The following ADAM29 variants were observed in gnomAD, a reference collection of about 807,000 sequenced individuals.
ADAM29 encodes the protein disintegrin and metalloproteinase domain-containing protein 29.
For missense variants in ADAM29, 969 were observed against 1,001.8 expected, an observed-to-expected ratio of 0.97 and a Z score of 0.44; for synonymous variants, 367 against 342.3, an observed-to-expected ratio of 1.07 and a Z score of -0.80.
At chr4:174,949,441 T>C (rs956620393) in intron 4 of ADAM29, among the ~76,000 whole-genome samples, 1 of 152,144 alleles carries the variant, frequency 6.6e-6, no homozygotes, top group African/African-American at 2.4e-5. Context: ...CAGGAGGTCT[T>C]CTTCTGCTAG....
Position 174,942,174 on chromosome 4 carries a change from C to G in ADAM29, c.-181+5161C>G, listed in dbSNP as rs1190853804. ...CCCCATGACGGCTTTCATGAGCTGG[C>G]ATTGAGTGCTGCAGCTTTTCCAAGC... On this transcript the variant is annotated intron_variant, in intron 4 of 4. Transcript: ENST00000359240. Among the ~76,000 whole-genome samples the G allele has an allele frequency of 3.3e-5, 5 of 152,316 alleles. No homozygotes were observed. In the East Asian group the frequency reaches 9.7e-4, roughly 30 times the overall value.
intron 4 of ADAM29, among the ~76,000 whole-genome samples, chr4:174,952,777 G>C (rs187182676): frequency 6.6e-6 from 1 of 152,246 alleles, no homozygotes; most frequent in East Asian, 1.9e-4. Context: ...TGCAAAGACT[G>C]TCTGCAGATG....
intron 4 of ADAM29, among the ~76,000 whole-genome samples, chr4:174,957,846 G>A (rs922589347): frequency 5.9e-5 from 9 of 151,694 alleles, no homozygotes; most frequent in African/African-American, 1.4e-4. Context: ...TAAAATGTGC[G>A]ATATTTGTTT....
At chr4:174,962,361 A>T (rs2111064996) in intron 4 of ADAM29, among the ~76,000 whole-genome samples, 1 of 152,068 alleles carries the variant, frequency 6.6e-6, no homozygotes, top group South Asian at 2.1e-4. Flanking sequence ...AATACAAAAA[A>T]ATTAGCTGGG....
intron 4 of ADAM29, among the ~76,000 whole-genome samples, chr4:174,937,329 A>G (rs1744259367): frequency 6.6e-6 from 1 of 151,878 alleles, no homozygotes; most frequent in African/African-American, 2.4e-5. Flanking sequence ...ACTCCTAGCT[A>G]TTTTCTCAGC....
intron 4 of ADAM29, among the ~76,000 whole-genome samples, chr4:174,963,626 T>A (rs1745981530): frequency 6.6e-6 from 1 of 151,734 alleles, no homozygotes; most frequent in African/African-American, 2.4e-5. Flanking sequence ...TTTTGTATAG[T>A]ATAATATTTT....
chr4:174,960,530 T>C (rs978790889), intron 4 of ADAM29, among the ~76,000 whole-genome samples: 3 of 152,120 alleles, frequency 2.0e-5, no homozygotes, highest in African/African-American at 7.2e-5. Context: ...AGGTATATTG[T>C]TCTACAATTC....
At chr4:174,944,637 C>T (rs774501852) in intron 4 of ADAM29, among the ~76,000 whole-genome samples, 8 of 152,130 alleles carry the variant, frequency 5.3e-5, no homozygotes, top group South Asian at 2.1e-4. Context: ...CCAGGTAGTA[C>T]GCATAGTACC....
intron 2 of ADAM29, among the ~76,000 whole-genome samples, chr4:174,929,868 T>C (rs1467074231): frequency 4.6e-5 from 7 of 152,068 alleles, no homozygotes; most frequent in African/African-American, 1.7e-4. Flanking sequence ...GCGATTCTTC[T>C]GTCTCACCCT....
At chr4:174,972,348 C>T (rs1422114309) in intron 4 of ADAM29, among the ~76,000 whole-genome samples, 1 of 152,174 alleles carries the variant, frequency 6.6e-6, no homozygotes, top group African/African-American at 2.4e-5. Flanking sequence ...ACCAGCAAAG[C>T]CAGAGATTCT....
chr4:174,931,274 T>C (rs1743855163), intron 3 of ADAM29, 100 bp downstream of exon 3: 1 of 152,104 alleles, frequency 6.6e-6, no homozygotes, highest in Admixed American at 6.5e-5. Flanking sequence ...TGGACTTACT[T>C]CTAAACAGCA....
In ADAM29 at chr4:174,977,618, G is replaced by A; in HGVS notation, c.2093G>A (p.Cys698Tyr). Residue 698 changes from cysteine to tyrosine, a missense_variant, in exon 5 of 5, where the codon TGT (cysteine) becomes TAT (tyrosine). Physicochemically the swap from Cys to Tyr is radical, Grantham distance 194 (BLOSUM62 -2). Transcript: ENST00000359240. Reference sequence around the variant, plus strand: ...TTATTATGTTGTCTTTATCGACTTTGTAAAAAAAGTAAACCAATAAAAAAG... The same window carrying A: ...TTATTATGTTGTCTTTATCGACTTTATAAAAAAAGTAAACCAATAAAAAAG... ...FILLCCLYRL[C>Y]KKSKPIKKQQ... The A allele has an allele frequency of 6.2e-7, 1 of 1,613,782 alleles. No homozygotes were observed.
In ADAM29 at chr4:174,976,854, C is replaced by A. The variant is rs1253796911; in HGVS notation, c.1329C>A (p.Cys443Ter). The change falls in exon 5 of 5, where the codon TGC (cysteine) becomes TGA (stop). Residue 443 changes from cysteine (C) to a stop codon, truncating the protein, a stop_gained. Coordinates refer to ENST00000359240, the MANE Select transcript of ADAM29 (RefSeq NM_014269.4). LOFTEE classifies it low-confidence loss of function (END_TRUNC). ...CTACTTGTGCTTTTGGGCTTTGTTG[C>A]AAAGACTGCAAGTTCCTACCATCAG... ...DGSTCAFGLC[C>*]KDCKFLPSGK... is the part of the protein sequence containing the mutation. 1 of 1,614,166 alleles carries A rather than the reference C, an allele frequency of 6.2e-7. No individual in the cohort carries two copies. The highest frequency in any genetic ancestry group is 8.5e-7 in the Non-Finnish European group (1 of 1,180,032).
At chr4:174,954,751 G>T (rs1434158331) in intron 4 of ADAM29, among the ~76,000 whole-genome samples, 2 of 152,078 alleles carry the variant, frequency 1.3e-5, no homozygotes, top group Non-Finnish European at 2.9e-5. Context: ...TGTAGTGGCT[G>T]TAAAAACTGA....
intron 4 of ADAM29, among the ~76,000 whole-genome samples, chr4:174,949,255 G>T (rs1300876450): frequency 6.6e-6 from 1 of 152,148 alleles, no homozygotes; most frequent in African/African-American, 2.4e-5. Context: ...GTCACCCTGA[G>T]GCTAAAGTCT....
At chr4:174,939,841 A>AT (rs1057314257) in intron 4 of ADAM29, among the ~76,000 whole-genome samples, 6 of 152,128 alleles carry the variant, frequency 3.9e-5, no homozygotes, top group African/African-American at 1.4e-4. Flanking sequence ...AAAAATAGCC[A>AT]TTTTCTCACA....
At position 174,949,897 on chromosome 4, in the gene ADAM29, C is replaced by T. The variant is rs557805303; in HGVS notation, c.-181+12884C>T. ...TATTATAGTCCTTTATATCACTCCC[C>T]ATATTTGTTAAAATCCTTGTCTATG... On this transcript the variant is annotated intron_variant, in intron 4 of 4. Coordinates refer to ENST00000359240, the MANE Select transcript of ADAM29 (RefSeq NM_014269.4). Among the ~76,000 whole-genome samples, 128 of 152,152 alleles carry T rather than the reference C, an allele frequency of 8.4e-4. 1 individual carries two copies. Among genetic ancestry groups the T allele is most frequent in the Non-Finnish European group, 1.2e-3 (79 of 68,002 alleles).
At chr4:174,952,710 G>A (rs997605753) in intron 4 of ADAM29, among the ~76,000 whole-genome samples, 10 of 144,546 alleles carry the variant, frequency 6.9e-5, no homozygotes, top group South Asian at 2.3e-4. Flanking sequence ...GTATTCTGTC[G>A]TTCACCTCTA....
At chr4:174,941,208 A>G (rs1214537532) in intron 4 of ADAM29, among the ~76,000 whole-genome samples, 3 of 152,182 alleles carry the variant, frequency 2.0e-5, no homozygotes, top group Non-Finnish European at 4.4e-5. Context: ...GTCTTGGGGT[A>G]AAGGTAGCAG....
Sources: allele counts gnomAD v4.1 joint callset (sites outside exome capture counted in the v4.1 genomes callset), GRCh38; gene constraint gnomAD v4.1.1; transcripts MANE v1.5; gene names NCBI Gene and HGNC (gene_info 2026-07-23, HGNC 2026-07-21).